VTA1: variants seen among roughly 807,000 people sequenced by gnomAD.
The protein encoded by VTA1 is vesicle trafficking 1.
In VTA1, 24 loss-of-function variants were observed where a neutral mutation model predicts 36.9. The observed-to-expected ratio is 0.65, with a 90% confidence interval of 0.47 to 0.91. The LOEUF (loss-of-function observed/expected upper bound fraction) is 0.91, where lower values mean the gene tolerates loss of function less well. Among genes scored for constraint, VTA1 ranks in the 40% least tolerant of loss-of-function variants. The pLI is 0.00. For missense variants in VTA1, 393 were observed against 377.2 expected (o/e 1.04, Z -0.35); for synonymous variants, 142 against 130.2 (o/e 1.09, Z -0.62).
chr6:142,156,930 G>C (rs1187369016), intron 1 of VTA1, among the ~76,000 whole-genome samples: 2 of 152,202 alleles, frequency 1.3e-5, no homozygotes, highest in African/African-American at 4.8e-5. Context: ...CACTTTGGGA[G>C]GCCCAGGTGG....
chr6:142,171,767 C>T (rs1411567569), intron 4 of VTA1, among the ~76,000 whole-genome samples: 1 of 151,774 alleles, frequency 6.6e-6, no homozygotes, highest in African/African-American at 2.4e-5. Flanking sequence ...ACACTATGGG[C>T]AATGTTTTTT....
At position 142,222,824 on chromosome 6, in the gene VTA1, A is replaced by G. The variant is rs1206767684; in HGVS notation, c.*4181A>G. 1.3e-5 allele frequency: 2 copies of G among 152,224 alleles called. No homozygotes were observed. Among genetic ancestry groups the G allele is most frequent in the Non-Finnish European group, 2.9e-5 (2 of 68,036 alleles). 9.4% of individuals were successfully genotyped at this position (152,224 alleles called of 1,614,324 possible). The stretch of plus-strand genomic sequence containing the variant: ...AATAGCTAACATTTCAATGTTTACT[A>G]AATGTCAGATACTATTCTAAGTATT... On this transcript the variant is annotated 3_prime_UTR_variant, in exon 8 of 8. Transcript: ENST00000367630.
At chr6:142,209,350 ATAAC>A (rs979999118) in intron 7 of VTA1, among the ~76,000 whole-genome samples, 12 of 151,872 alleles carry the variant, frequency 7.9e-5, no homozygotes, top group Non-Finnish European at 1.3e-4. Context: ...TTAGTTATTA[ATAAC>A]TAACTATAAT....
Position 142,147,320 on chromosome 6 carries a change from C to G in VTA1, c.33C>G (p.Pro11=). The G allele has an allele frequency of 1.9e-6, 3 of 1,614,236 alleles. No homozygotes were observed. Among genetic ancestry groups the G allele is most frequent in the Non-Finnish European group, 2.5e-6 (3 of 1,180,040 alleles). Residue 11 remains proline, a synonymous_variant, in exon 1 of 8, where the codon CCC becomes CCG. Coordinates refer to ENST00000367630, the MANE Select transcript of VTA1 (RefSeq NM_016485.5). ...CGCTTGCACCGCTGCCCCCGCTCCCCGCACAGTTCAAGAGCATACAGCATC... is the reference window on the plus strand; with the variant it reads ...CGCTTGCACCGCTGCCCCCGCTCCCGGCACAGTTCAAGAGCATACAGCATC... The part of the protein sequence containing the change: MAALAPLPPL[P]AQFKSIQHHL...
chr6:142,163,084 AATAACAATGGCTAAGTAAAGTAAGG>A (rs1401302128), intron 1 of VTA1, among the ~76,000 whole-genome samples: 1 of 152,182 alleles, frequency 6.6e-6, no homozygotes, highest in African/African-American at 2.4e-5. Context: ...GAAAATCCAA[AATAACAATGGCTAAGTAAAGTAAGG>A]ATTTACTCTT....
Position 142,172,067 on chromosome 6 carries a change from G to A in VTA1, c.411+1646G>A, listed in dbSNP as rs112143225. 3.2e-4 allele frequency among the ~76,000 whole-genome samples: 49 copies of A among 152,260 alleles called. 1 individual carries two copies. The highest frequency in any genetic ancestry group is 1.9e-4 in the African/African-American group (8 of 41,558). On this transcript the variant is annotated intron_variant, in intron 4 of 7. Coordinates refer to ENST00000367630, the MANE Select transcript of VTA1 (RefSeq NM_016485.5). ...CGCTCTGTCACCAGGCTGGAGTGCA[G>A]TGGCACAATCTTGGCTCACTGCAAC...
intron 4 of VTA1, among the ~76,000 whole-genome samples, chr6:142,188,225 C>CTTTTTTTTTTTTTTT (rs200348683): frequency 1.3e-4 from 10 of 78,962 alleles, no homozygotes; most frequent in Non-Finnish European, 2.1e-4. Context: ...TTCTTTATTT[C>CTTTTTTTTTTTTTTT]TTTTTTTTTT....
chr6:142,199,699 C>G (rs150844615), intron 6 of VTA1, among the ~76,000 whole-genome samples: 1 of 152,014 alleles, frequency 6.6e-6, no homozygotes, highest in Non-Finnish European at 1.5e-5. Flanking sequence ...TTTATATTAT[C>G]TGCAAAAATA....
chr6:142,186,624 G>A (rs1775344213), intron 4 of VTA1, among the ~76,000 whole-genome samples: 1 of 152,096 alleles, frequency 6.6e-6, no homozygotes, highest in South Asian at 2.1e-4. Context: ...CCATTTACTT[G>A]AGAGTGAAGT....
Position 142,205,085 on chromosome 6 carries a change from C to G in VTA1, c.778+1020C>G, listed in dbSNP as rs577520271. Among the ~76,000 whole-genome samples the G allele has an allele frequency of 6.6e-5, 10 of 152,184 alleles. No homozygotes were observed. In the Middle Eastern group the frequency reaches 0.01, roughly 155 times the overall value. On this transcript the variant is annotated intron_variant, in intron 7 of 7. Coordinates refer to ENST00000367630, the MANE Select transcript of VTA1 (RefSeq NM_016485.5). ...TAATGTCTGCCAGTGTGTTTTTCAG[C>G]TTGAATTTTCTGTTCTCCCTGTATG... is the stretch of plus-strand genomic sequence containing the variant.
At position 142,222,162 on chromosome 6, in the gene VTA1, CT is replaced by C. The variant is rs1226095813; in HGVS notation, c.*3520del. 6.6e-6 allele frequency: 1 copy of C among 152,024 alleles called. No individual in the cohort carries two copies. The highest frequency in any genetic ancestry group is 1.5e-5 in the Non-Finnish European group (1 of 68,020). 9.4% of individuals were successfully genotyped at this position (152,024 alleles called of 1,614,324 possible). A position where few individuals can be genotyped will look rare whatever the true frequency, so the allele number is the denominator to read the frequency against. The stretch of plus-strand genomic sequence containing the variant: ...TAAAGGTTGACTCCAGATTTTTCAC[CT>C]GAATGCCTGAAAGGAATGAGTAATC... On this transcript the variant is annotated 3_prime_UTR_variant, in exon 8 of 8. Transcript: ENST00000367630.
chr6:142,211,582 G>T (rs1048774202), intron 7 of VTA1, among the ~76,000 whole-genome samples: 5 of 151,994 alleles, frequency 3.3e-5, no homozygotes, highest in African/African-American at 4.8e-5. Flanking sequence ...GCGGTGGCAG[G>T]CGCCTCTAAT....
intron 5 of VTA1, among the ~76,000 whole-genome samples, chr6:142,193,901 C>A (rs775233774): frequency 9.2e-5 from 14 of 151,958 alleles, no homozygotes; most frequent in Non-Finnish European, 2.1e-4. Flanking sequence ...TACCTTCTTA[C>A]CCTTCCACAA....
At chr6:142,174,151 T>C (rs1344022894) in intron 4 of VTA1, among the ~76,000 whole-genome samples, 1 of 152,036 alleles carries the variant, frequency 6.6e-6, no homozygotes, top group Non-Finnish European at 1.5e-5. Flanking sequence ...GTAGAGCCAC[T>C]GGCAGCTTGC....
intron 5 of VTA1, among the ~76,000 whole-genome samples, chr6:142,191,977 G>A (rs949245239): frequency 6.6e-6 from 1 of 151,964 alleles, no homozygotes; most frequent in African/African-American, 2.4e-5. Context: ...TGAATTTCTA[G>A]TAAAACCGTA....
intron 4 of VTA1, among the ~76,000 whole-genome samples, chr6:142,174,756 T>C (rs1027100868): frequency 3.9e-5 from 6 of 152,138 alleles, no homozygotes; most frequent in Non-Finnish European, 7.4e-5. Flanking sequence ...ATGAATGGCT[T>C]GGTGCCCTCC....
chr6:142,188,745 A>T (rs1056901007), intron 4 of VTA1, among the ~76,000 whole-genome samples: 1 of 99,952 alleles, frequency 1.0e-5, no homozygotes, highest in African/African-American at 3.7e-5. Flanking sequence ...AGAGATTTTT[A>T]TATTTTTAAT....
intron 4 of VTA1, among the ~76,000 whole-genome samples, chr6:142,176,692 A>T (rs557447516): frequency 1.6e-4 from 24 of 152,288 alleles, no homozygotes; most frequent in Non-Finnish European, 2.6e-4. Context: ...GAGAAAATTT[A>T]AAAAGGCATA....
intron 1 of VTA1, among the ~76,000 whole-genome samples, chr6:142,157,924 A>G (rs1778694916): frequency 6.7e-6 from 1 of 148,634 alleles, no homozygotes; most frequent in Non-Finnish European, 1.5e-5. Flanking sequence ...ACCCTTAACA[A>G]GTCTTGGAGG....
Sources: allele counts gnomAD v4.1 joint callset (sites outside exome capture counted in the v4.1 genomes callset), GRCh38; gene constraint gnomAD v4.1.1; transcripts MANE v1.5; gene names NCBI Gene and HGNC (gene_info 2026-07-23, HGNC 2026-07-21).